The following PRMT2 variants were observed in gnomAD, a reference collection of about 807,000 sequenced individuals.
PRMT2 encodes protein arginine methyltransferase 2, also known as protein arginine N-methyltransferase 2.
Under a neutral mutation model 57.6 loss-of-function variants are expected in PRMT2, and 26 were observed. The ratio of observed to expected loss-of-function variants is 0.45; its 90% CI spans 0.33 to 0.63. The LOEUF (loss-of-function observed/expected upper bound fraction) is 0.63, where lower values mean the gene tolerates loss of function less well. PRMT2 is among the 20% of genes least tolerant of loss of function. The pLI, the probability that PRMT2 is intolerant of heterozygous loss-of-function variation, is 0.02. For missense variants in PRMT2, 472 were observed against 564.4 expected (o/e 0.84, Z 1.66); for synonymous variants, 219 against 220.0 (o/e 1.00, Z 0.04).
chr21:46,652,401 TAA>T (rs1306981457), intron 7 of PRMT2: 2 of 1,068,982 alleles, frequency 1.9e-6, no homozygotes, highest in Non-Finnish European at 1.1e-6. Context: ...TTGTGTGACG[TAA>T]AGAGTTGCAA....
At chr21:46,653,043 T>C in intron 7 of PRMT2, 14 of 1,119,370 alleles carry the variant, frequency 1.3e-5, no homozygotes, top group Non-Finnish European at 1.6e-5. Context: ...GACTCAGTCT[T>C]ACTGTTGTTA....
chr21:46,654,383 C>CA (rs1182993917), intron 7 of PRMT2, among the ~76,000 whole-genome samples: 2 of 152,222 alleles, frequency 1.3e-5, no homozygotes, highest in African/African-American at 4.8e-5. Flanking sequence ...AAAAATTAGA[C>CA]ATAGTGGTAA....
chr21:46,660,913 G>T lies in PRMT2; in HGVS notation c.911G>T (p.Cys304Phe). The T allele has an allele frequency of 1.2e-6, 2 of 1,613,448 alleles. No individual in the cohort carries two copies. The highest frequency in any genetic ancestry group is 1.7e-6 in the Non-Finnish European group (2 of 1,179,490). Residue 304 changes from cysteine to phenylalanine, a missense_variant, in exon 9 of 12, where the codon TGC becomes TTC. Around this residue, in one of 2 missense-constraint regions of PRMT2, gnomAD observed 229 missense variants for 217.2 expected, o/e 1.05. Coordinates refer to ENST00000355680, the MANE Select transcript of PRMT2 (RefSeq NM_206962.4). ...LKPEDCLSEPCTILQLDMRTV... is the reference protein window; with the variant it reads ...LKPEDCLSEPFTILQLDMRTV... ...CCAGAAGACTGTCTCTCTGAACCGT[G>T]CACTATATTGCAGTTGGACATGAGA...
intron 9 of PRMT2, chr21:46,661,599 C>T (rs1249446797): frequency 4.8e-6 from 2 of 420,234 alleles, no homozygotes; most frequent in Non-Finnish European, 8.0e-6. Flanking sequence ...GCGCAAGAAG[C>T]TCAGATGCTT....
Position 46,649,508 on chromosome 21 carries a change from C to T in PRMT2, c.490-67C>T, listed in dbSNP as rs1379032829. The T allele has an allele frequency of 2.5e-6, 4 of 1,608,768 alleles. No homozygotes were observed. Among genetic ancestry groups the T allele is most frequent in the African/African-American group, 1.3e-5 (1 of 74,806 alleles). ...CCATTTCTCGTGATGCTGGTTGTGA[C>T]TCAGGAGAGTAGATGACGGGCCGTG... On this transcript the variant is annotated intron_variant, in intron 6 of 11. Transcript: ENST00000355680. The surrounding 1 kb of genome is among the most constrained non-coding windows in gnomAD (Gnocchi z 4.8).
rs183895793 is a variant in PRMT2, at chr21:46,652,890, C to G, written c.654+3151C>G. 2.3e-6 allele frequency: 3 copies of G among 1,303,044 alleles called. No individual in the cohort carries two copies. In the African/African-American group the frequency reaches 4.6e-5, roughly 20 times the overall value. 80.7% of individuals were successfully genotyped at this position (1,303,044 alleles called of 1,614,324 possible). A position where few individuals can be genotyped will look rare whatever the true frequency, so the allele number is the denominator to read the frequency against. ...TTCTCCTGAGGCCACGCCACGATTT[C>G]CGAGAAGCAGGTTGCACACTCAGCA... On this transcript the variant is annotated intron_variant, in intron 7 of 11. Transcript: ENST00000355680.
At chr21:46,642,487 A>AT (rs1218178244) in intron 3 of PRMT2, among the ~76,000 whole-genome samples, 20 of 152,388 alleles carry the variant, frequency 1.3e-4, no homozygotes, top group Non-Finnish European at 2.6e-4. Flanking sequence ...GTCTGAAAGT[A>AT]TAAACACCAA....
At chr21:46,664,249 A>G (rs1274823362) in intron 11 of PRMT2, 46 bp from the exon 12 acceptor site, 1 of 1,474,582 alleles carries the variant, frequency 6.8e-7, no homozygotes. Flanking sequence ...TATGTTAATC[A>G]AATGATTTAT....
chr21:46,657,756 C>T (rs1035800536), intron 7 of PRMT2: 4 of 152,010 alleles, frequency 2.6e-5, no homozygotes, highest in African/African-American at 7.2e-5. Flanking sequence ...TCCACACAAG[C>T]GCTCAAGTTC....
In PRMT2 at chr21:46,664,804, C is replaced by G. The variant is rs1267525019; in HGVS notation, c.*477C>G. On this transcript the variant is annotated 3_prime_UTR_variant, in exon 12 of 12. Coordinates refer to ENST00000355680, the MANE Select transcript of PRMT2 (RefSeq NM_206962.4). ...CTGTGCCAGTGGCGTGTAGGGAACA[C>G]TGCCCTGGCTCAGCGTGCGAGCTAA... The G allele has an allele frequency of 1.6e-5, 3 of 186,166 alleles. No individual in the cohort carries two copies. Among genetic ancestry groups the G allele is most frequent in the African/African-American group, 6.9e-5 (3 of 43,710 alleles). The allele number at this position is 186,166 out of a possible 1,614,324, so 11.5% of individuals were successfully genotyped here.
In PRMT2 at chr21:46,661,786, T is replaced by C; in HGVS notation, c.961-14T>C. On this transcript the variant is annotated splice_polypyrimidine_tract_variant and intron_variant, in intron 9 of 11. Transcript: ENST00000355680. ...CGCGGTGCCCACGCGTGCCTTGTCA[T>C]CTGCTTGACCCAGACCCTGAGGGGC... 4.4e-6 allele frequency: 6 copies of C among 1,365,892 alleles called. No individual in the cohort carries two copies. Among genetic ancestry groups the C allele is most frequent in the Non-Finnish European group, 5.7e-6 (6 of 1,047,054 alleles). The allele number at this position is 1,365,892 out of a possible 1,614,324, so 84.6% of individuals were successfully genotyped here.
At chr21:46,663,708 T>C (rs769619499) in intron 11 of PRMT2, among the ~76,000 whole-genome samples, 154 bp downstream of exon 11, 3 of 152,178 alleles carry the variant, frequency 2.0e-5, no homozygotes, top group Non-Finnish European at 2.9e-5. Flanking sequence ...GCGCCTGTTG[T>C]CATTGGCTTC....
intron 3 of PRMT2, among the ~76,000 whole-genome samples, 160 bp downstream of exon 3, chr21:46,637,150 A>T (rs1485055060): frequency 6.6e-6 from 1 of 152,234 alleles, no homozygotes; most frequent in Non-Finnish European, 1.5e-5. Flanking sequence ...GGCAGAGGAA[A>T]CGCAGTGCCT....
intron 7 of PRMT2, chr21:46,653,730 C>G: frequency 2.5e-6 from 3 of 1,221,464 alleles, no homozygotes; most frequent in South Asian, 3.2e-5. Context: ...CACACAAAAC[C>G]ATCAACTCTT....
At position 46,652,157 on chromosome 21, in the gene PRMT2, AC is replaced by A; in HGVS notation, c.654+2420del. The A allele has an allele frequency of 9.8e-6, 14 of 1,435,332 alleles. No homozygotes were observed. In the South Asian group the frequency reaches 1.9e-4, roughly 20 times the overall value. 88.9% of individuals were successfully genotyped at this position (1,435,332 alleles called of 1,614,324 possible). On this transcript the variant is annotated intron_variant, in intron 7 of 11. Transcript: ENST00000355680. ...TTGGAGAAAAGAGGCCCTTCTTCAC[AC>A]CATCTGCTAAAATAAACCTCAGATG...
At chr21:46,661,552 C>T (rs1479427888) in intron 9 of PRMT2, 2 of 231,136 alleles carry the variant, frequency 8.7e-6, no homozygotes, top group Non-Finnish European at 1.4e-5. Flanking sequence ...GAGCTGAGCG[C>T]CGAAAAGATT....
In PRMT2 at chr21:46,651,960, C is replaced by T. The variant is rs2061464669; in HGVS notation, c.654+2221C>T. On this transcript the variant is annotated intron_variant, in intron 7 of 11. Transcript: ENST00000355680. Reference sequence around the variant, plus strand: ...TGCTGTCTGCCTGTTCTCAGAGCCCCTCAGCCCTCAGGCCTTCATCTCTCC... The same window carrying T: ...TGCTGTCTGCCTGTTCTCAGAGCCCTTCAGCCCTCAGGCCTTCATCTCTCC... 4 of 1,613,310 alleles carry T rather than the reference C, an allele frequency of 2.5e-6. No individual in the cohort carries two copies. In the East Asian group the frequency reaches 8.9e-5, roughly 36 times the overall value.
Position 46,649,029 on chromosome 21 carries a change from C to T in PRMT2, c.489+410C>T, listed in dbSNP as rs905703701. 3.9e-5 allele frequency among the ~76,000 whole-genome samples: 6 copies of T among 152,114 alleles called. No individual in the cohort carries two copies. Among genetic ancestry groups the T allele is most frequent in the Admixed American group, 3.3e-4 (5 of 15,284 alleles). On this transcript the variant is annotated intron_variant, in intron 6 of 11. Coordinates refer to ENST00000355680, the MANE Select transcript of PRMT2 (RefSeq NM_206962.4). The surrounding 1 kb of genome is among the most constrained non-coding windows in gnomAD (Gnocchi z 4.8). ...CACACGCTGGGCCCCCTCCCCACCC[C>T]TCTTAGGCCGTCTATACTGTGCTGA...
At chr21:46,660,556 ACAGGGAAG>A (rs1436757178) in intron 8 of PRMT2, among the ~76,000 whole-genome samples, 1 of 152,170 alleles carries the variant, frequency 6.6e-6, no homozygotes, top group African/African-American at 2.4e-5. Context: ...ATGAGACCTC[ACAGGGAAG>A]CGCCCAGTGA....
Sources: allele counts gnomAD v4.1 joint callset (sites outside exome capture counted in the v4.1 genomes callset), GRCh38; gene constraint gnomAD v4.1.1; regional missense constraint gnomAD v4.1.1; non-coding constraint Gnocchi (gnomAD v3.1); transcripts MANE v1.5; gene names NCBI Gene and HGNC (gene_info 2026-07-23, HGNC 2026-07-21).